USP15: variants seen among roughly 807,000 people sequenced by gnomAD.
The protein encoded by USP15 is ubiquitin specific peptidase 15, also known as ubiquitin carboxyl-terminal hydrolase 15.
Under a neutral mutation model 127.1 loss-of-function variants are expected in USP15, and 18 were observed. The ratio of observed to expected loss-of-function variants is 0.14; its 90% CI spans 0.10 to 0.21. The LOEUF (loss-of-function observed/expected upper bound fraction) is 0.21, where lower values mean the gene tolerates loss of function less well. USP15 is among the 10% of genes least tolerant of loss of function. USP15 has a pLI of 1.00. For synonymous variants in USP15, 364 were observed against 393.7 expected (o/e 0.92, Z 0.89); for missense variants, 805 against 1,159.9 (o/e 0.69, Z 4.44).
At chr12:62,269,603 A>G (rs2063295989) in intron 1 of USP15, among the ~76,000 whole-genome samples, 1 of 151,808 alleles carries the variant, frequency 6.6e-6, no homozygotes, top group Admixed American at 6.6e-5. Flanking sequence ...ATTTTTTTGT[A>G]GAAATGAGGA....
chr12:62,322,859 G>A (rs1212759259), intron 5 of USP15, among the ~76,000 whole-genome samples: 1 of 152,188 alleles, frequency 6.6e-6, no homozygotes, highest in Non-Finnish European at 1.5e-5. Context: ...AAACTGAGCT[G>A]CTTATAGTTC....
intron 19 of USP15, among the ~76,000 whole-genome samples, chr12:62,395,688 C>CT (rs1555223669): frequency 1.5e-4 from 23 of 151,500 alleles, no homozygotes; most frequent in Non-Finnish European, 1.5e-5. Flanking sequence ...TCCTTCTACT[C>CT]TGTCTGTCTA....
chr12:62,361,980 T>C (rs915188428), intron 8 of USP15, among the ~76,000 whole-genome samples: 1 of 152,082 alleles, frequency 6.6e-6, no homozygotes, highest in South Asian at 2.1e-4. Context: ...CTGCAGCCTC[T>C]GTTAAGAGTG....
intron 8 of USP15, among the ~76,000 whole-genome samples, chr12:62,376,329 G>A (rs1485724487): frequency 1.3e-5 from 2 of 151,522 alleles, no homozygotes; most frequent in Admixed American, 6.6e-5. Context: ...CTTTAGTCTG[G>A]CTATTGCTTT....
At chr12:62,381,374 A>G (rs1296098035) in intron 8 of USP15, 116 bp from the exon 9 acceptor site, 1 of 851,846 alleles carries the variant, frequency 1.2e-6, no homozygotes, top group African/African-American at 1.7e-5. Context: ...AGAAACCATC[A>G]TTTAAATGTT....
chr12:62,339,859 G>A (rs2065594440), intron 6 of USP15, among the ~76,000 whole-genome samples: 1 of 152,066 alleles, frequency 6.6e-6, no homozygotes, highest in Non-Finnish European at 1.5e-5. Context: ...TTTTTGTTGT[G>A]TCTCTGCCAG....
intron 1 of USP15, among the ~76,000 whole-genome samples, chr12:62,263,268 G>A (rs2063116007): frequency 6.6e-6 from 1 of 152,084 alleles, no homozygotes; most frequent in African/African-American, 2.4e-5. Context: ...AACTGTCTAG[G>A]AAAGACTGAT....
chr12:62,316,643 G>T (rs944297248), intron 4 of USP15, among the ~76,000 whole-genome samples: 1 of 151,806 alleles, frequency 6.6e-6, no homozygotes, highest in East Asian at 1.9e-4. Flanking sequence ...TTTAAAGTTT[G>T]GTATTTTCTT....
chr12:62,391,356 C>T lies in USP15; in HGVS notation c.2160C>T (p.Gly720=). Reference sequence around the variant, plus strand: ...TTACATTCCAGTTCAACAACTTAGGCAATACTGATATCAACTACATCAAAG... The same window carrying T: ...TTACATTCCAGTTCAACAACTTAGGTAATACTGATATCAACTACATCAAAG... ...RLFTFQFNNL[G]NTDINYIKDD... Residue 720 remains glycine, a synonymous_variant, in exon 16 of 22, where the codon GGC becomes GGT. Transcript: ENST00000280377. The T allele has an allele frequency of 6.2e-7, 1 of 1,613,130 alleles. No homozygotes were observed. Among genetic ancestry groups the T allele is most frequent in the Non-Finnish European group, 8.5e-7 (1 of 1,179,564 alleles).
At chr12:62,366,391 C>G (rs984464924) in intron 8 of USP15, among the ~76,000 whole-genome samples, 7 of 152,156 alleles carry the variant, frequency 4.6e-5, no homozygotes, top group African/African-American at 1.7e-4. Flanking sequence ...GATTTTTGCA[C>G]ATTGATTTTG....
chr12:62,387,347 A>C lies in USP15; in HGVS notation c.1474-2084A>C, dbSNP rs529553620. ...AGGGACTGTCATTAATAATTATACT[A>C]GGATAGCAGGCTAATCCAGGACTGG... On this transcript the variant is annotated intron_variant, in intron 11 of 21. Coordinates refer to ENST00000280377, the MANE Select transcript of USP15 (RefSeq NM_001252078.2). Among the ~76,000 whole-genome samples, 164 of 152,330 alleles carry C rather than the reference A, an allele frequency of 1.1e-3. 3 individuals carry two copies. In the South Asian group the frequency reaches 0.012, roughly 12 times the overall value.
intron 4 of USP15, among the ~76,000 whole-genome samples, chr12:62,320,554 T>C (rs1221339769): frequency 6.6e-6 from 1 of 152,200 alleles, no homozygotes; most frequent in Non-Finnish European, 1.5e-5. Flanking sequence ...CTGGGTGATT[T>C]GCTTTAAGTT....
chr12:62,299,627 C>T (rs1239502584), intron 2 of USP15, among the ~76,000 whole-genome samples: 1 of 152,148 alleles, frequency 6.6e-6, no homozygotes, highest in Non-Finnish European at 1.5e-5. Flanking sequence ...TATGAACATT[C>T]ATGTAAAAGT....
chr12:62,285,857 T>G (rs1225032233), intron 1 of USP15, among the ~76,000 whole-genome samples: 1 of 152,182 alleles, frequency 6.6e-6, no homozygotes, highest in African/African-American at 2.4e-5. Context: ...TTGAGAAATC[T>G]CCATACTGTT....
In USP15 at chr12:62,389,890, C is replaced by T; in HGVS notation, c.1746C>T (p.His582=). Reference sequence around the variant, plus strand: ...AATTCAGACACTCGAGTTATACCCACCATACTGGTTCTTCACTTTTTGGTC... The same window carrying T: ...AATTCAGACACTCGAGTTATACCCATCATACTGGTTCTTCACTTTTTGGTC... The part of the protein sequence containing the change: ...REKFRHSSYT[H]HTGSSLFGQP... Residue 582 remains histidine (H), a synonymous_variant, in exon 14 of 22, where the codon CAC becomes CAT. Transcript: ENST00000280377. 1 of 1,613,932 alleles carries T rather than the reference C, an allele frequency of 6.2e-7. No individual in the cohort carries two copies. Among genetic ancestry groups the T allele is most frequent in the African/African-American group, 1.3e-5 (1 of 75,042 alleles).
intron 3 of USP15, among the ~76,000 whole-genome samples, chr12:62,311,582 T>G (rs1283221438): frequency 6.6e-5 from 10 of 151,766 alleles, no homozygotes; most frequent in Non-Finnish European, 1.5e-4. Context: ...TTTAGCCATC[T>G]AAACCTAAGT....
At chr12:62,379,407 G>A (rs1273277618) in intron 8 of USP15, among the ~76,000 whole-genome samples, 1 of 152,154 alleles carries the variant, frequency 6.6e-6, no homozygotes, top group South Asian at 2.1e-4. Context: ...AGGGAGAGCC[G>A]TTAAAGGATT....
chr12:62,393,648 G>T (rs985272355), intron 19 of USP15: 1 of 152,926 alleles, frequency 6.5e-6, no homozygotes, highest in African/African-American at 2.4e-5. Context: ...GGAGTGCAAT[G>T]GTGCAATCTC....
At chr12:62,329,133 T>A (rs898569792) in intron 6 of USP15, among the ~76,000 whole-genome samples, 21 of 152,176 alleles carry the variant, frequency 1.4e-4, no homozygotes, top group African/African-American at 5.1e-4. Context: ...TGGTGGCTTA[T>A]GCCTGTAATC....
Sources: allele counts gnomAD v4.1 joint callset (sites outside exome capture counted in the v4.1 genomes callset), GRCh38; gene constraint gnomAD v4.1.1; transcripts MANE v1.5; gene names NCBI Gene and HGNC (gene_info 2026-07-23, HGNC 2026-07-21).